CNR2: variants seen among roughly 807,000 people sequenced by gnomAD.
The protein encoded by CNR2 is cannabinoid receptor 2.
For missense variants in CNR2, 379 were observed against 439.9 expected (o/e 0.86, Z 1.24); for synonymous variants, 172 against 182.2 (o/e 0.94, Z 0.45).
At chr1:23,903,779 C>A (rs1322928302) in intron 1 of CNR2, among the ~76,000 whole-genome samples, 1 of 152,056 alleles carries the variant, frequency 6.6e-6, no homozygotes, top group East Asian at 1.9e-4. Context: ...TGCAATTAAT[C>A]CTCACAGTAA....
chr1:23,872,987 G>A lies in CNR2; in HGVS notation c.*1548C>T, dbSNP rs1480550119. On this transcript the variant is annotated 3_prime_UTR_variant, in exon 2 of 2. Transcript: ENST00000374472. ...TTTATGGCTGGGTACTCAGGACCCTGCACAGAGCCTGGCTCATGTTTATGA... is the reference window on the plus strand; with the variant it reads ...TTTATGGCTGGGTACTCAGGACCCTACACAGAGCCTGGCTCATGTTTATGA... 4 of 152,356 alleles carry A rather than the reference G, an allele frequency of 2.6e-5. No homozygotes were observed. The highest frequency in any genetic ancestry group is 3.4e-3 in the Middle Eastern group (1 of 294). 9.4% of individuals were successfully genotyped at this position (152,356 alleles called of 1,614,324 possible).
chr1:23,906,710 G>A (rs1405062350), intron 1 of CNR2, among the ~76,000 whole-genome samples: 1 of 151,524 alleles, frequency 6.6e-6, no homozygotes, highest in Non-Finnish European at 1.5e-5. Flanking sequence ...GTAATTTTAT[G>A]TTTGCTATAT....
chr1:23,900,234 A>C (rs1382126571), intron 1 of CNR2, among the ~76,000 whole-genome samples: 2 of 151,912 alleles, frequency 1.3e-5, no homozygotes. Context: ...GCCAATCAGC[A>C]CTCCTGGCTC....
chr1:23,891,635 A>AAAAG (rs57661707), intron 1 of CNR2, among the ~76,000 whole-genome samples: 91,548 of 130,812 alleles, frequency 0.7, 33,124 homozygotes, highest in Admixed American at 0.74. Flanking sequence ...AAAAAAAAAA[A>AAAAG]AAAGCCCAAA....
intron 1 of CNR2, among the ~76,000 whole-genome samples, chr1:23,885,171 G>T (rs1398299732): frequency 6.6e-6 from 1 of 151,940 alleles, no homozygotes; most frequent in Non-Finnish European, 1.5e-5. Context: ...AGGTTGAAAT[G>T]GGAGGATCCC....
intron 1 of CNR2, among the ~76,000 whole-genome samples, chr1:23,910,389 TAA>T (rs937325538): frequency 7.3e-5 from 11 of 151,642 alleles, no homozygotes; most frequent in Non-Finnish European, 1.6e-4. Context: ...AAATGTGTAG[TAA>T]ATGCTTCATC....
At chr1:23,878,317 A>T (rs1639924565) in intron 1 of CNR2, among the ~76,000 whole-genome samples, 1 of 152,082 alleles carries the variant, frequency 6.6e-6, no homozygotes, top group Non-Finnish European at 1.5e-5. Context: ...GTGAGCCATG[A>T]TCATGCCATT....
intron 1 of CNR2, among the ~76,000 whole-genome samples, chr1:23,906,408 C>A (rs990739526): frequency 2.0e-5 from 3 of 151,744 alleles, no homozygotes; most frequent in Non-Finnish European, 4.4e-5. Context: ...GGAAACTACT[C>A]GAGCCATTTC....
chr1:23,874,489 T>C lies in CNR2; in HGVS notation c.*46A>G. 2.5e-6 allele frequency: 4 copies of C among 1,569,036 alleles called. No homozygotes were observed. The highest frequency in any genetic ancestry group is 2.2e-5 in the East Asian group (1 of 44,570). On this transcript the variant is annotated 3_prime_UTR_variant, in exon 2 of 2. Coordinates refer to ENST00000374472, the MANE Select transcript of CNR2 (RefSeq NM_001841.3). ...AGACCCCTCTCTCTCTTCCAGGGAG[T>C]GAACTGATTTCTGACTTGAGTTGTT...
intron 1 of CNR2, among the ~76,000 whole-genome samples, chr1:23,910,030 C>T (rs1640557664): frequency 6.6e-6 from 1 of 151,624 alleles, no homozygotes; most frequent in African/African-American, 2.4e-5. Flanking sequence ...CTCACTGCAG[C>T]CTCAATCTCC....
chr1:23,874,404 C>T lies in CNR2; in HGVS notation c.*131G>A, dbSNP rs149479710. 1.7e-5 allele frequency: 17 copies of T among 1,023,574 alleles called. No individual in the cohort carries two copies. The highest frequency in any genetic ancestry group is 1.6e-4 in the African/African-American group (10 of 61,526). The allele number at this position is 1,023,574 out of a possible 1,614,324, so 63.4% of individuals were successfully genotyped here. ...TCCAGGAGTCAGTCCCAACACTCAT[C>T]AGCAAAAAGGGGTCCGTGTCTAGGT... is the stretch of plus-strand genomic sequence containing the variant. On this transcript the variant is annotated 3_prime_UTR_variant, in exon 2 of 2. Transcript: ENST00000374472.
intron 1 of CNR2, chr1:23,902,064 C>T (rs1640408992): frequency 1.3e-6 from 2 of 1,547,854 alleles, no homozygotes; most frequent in Admixed American, 1.7e-5. Context: ...TGGCAAACTC[C>T]TCTAGGGTCA....
chr1:23,871,157 A>C lies in CNR2; in HGVS notation c.*3378T>G. On this transcript the variant is annotated 3_prime_UTR_variant, in exon 2 of 2. Transcript: ENST00000374472. ...GTGACAGAGTGAGATTCTATGTCAA[A>C]AAAAAAAAAAAAAAAAAAAAAAGCA... 7.6e-6 allele frequency: 1 copy of C among 131,964 alleles called. No individual in the cohort carries two copies. Among genetic ancestry groups the C allele is most frequent in the Non-Finnish European group, 1.5e-5 (1 of 65,370 alleles). The allele number at this position is 131,964 out of a possible 1,614,324, so 8.2% of individuals were successfully genotyped here. A position where few individuals can be genotyped will look rare whatever the true frequency, so the allele number is the denominator to read the frequency against.
chr1:23,890,786 C>A (rs1250423449), intron 1 of CNR2, among the ~76,000 whole-genome samples: 1 of 150,852 alleles, frequency 6.6e-6, no homozygotes, highest in East Asian at 1.9e-4. Flanking sequence ...ACCCTCTTGA[C>A]CTGCTGCCCA....
At chr1:23,907,367 G>A (rs572075901) in intron 1 of CNR2, among the ~76,000 whole-genome samples, 73 of 143,324 alleles carry the variant, frequency 5.1e-4, no homozygotes, top group African/African-American at 1.7e-3. Context: ...CCGAGATCGC[G>A]CCACTATGCT....
intron 1 of CNR2, among the ~76,000 whole-genome samples, chr1:23,889,175 G>A (rs952966063): frequency 1.3e-5 from 2 of 152,128 alleles, no homozygotes; most frequent in African/African-American, 4.8e-5. Context: ...TGGGACCTGA[G>A]AACCTGCTCA....
intron 1 of CNR2, among the ~76,000 whole-genome samples, chr1:23,893,903 C>A (rs1201159216): frequency 6.6e-6 from 1 of 151,900 alleles, no homozygotes; most frequent in Non-Finnish European, 1.5e-5. Flanking sequence ...GTGGGCAGAT[C>A]ACTTGAGCCC....
intron 1 of CNR2, among the ~76,000 whole-genome samples, chr1:23,900,657 C>T (rs768848994): frequency 3.9e-5 from 6 of 152,102 alleles, no homozygotes; most frequent in Non-Finnish European, 7.3e-5. Context: ...CAGGCATGTG[C>T]CACCACGCCT....
At chr1:23,890,979 A>G (rs551447647) in intron 1 of CNR2, among the ~76,000 whole-genome samples, 1 of 151,160 alleles carries the variant, frequency 6.6e-6, no homozygotes, top group South Asian at 2.1e-4. Flanking sequence ...CCCAGGTTCA[A>G]GCAATTCTTG....
Sources: gnomAD v4.1 joint callset for allele counts (sites outside exome capture counted in the v4.1 genomes callset) on GRCh38, gnomAD v4.1.1 for gene constraint, MANE v1.5 for transcripts, NCBI Gene and HGNC (gene_info 2026-07-23, HGNC 2026-07-21) for gene names.